Variants in KLF13 observed in about 807,000 individuals in gnomAD.
KLF13 encodes Krueppel-like factor 13.
In KLF13, 8 loss-of-function variants were observed where a neutral mutation model predicts 16.7. That is an observed-to-expected ratio of 0.48 (90% confidence interval 0.28 to 0.87). The LOEUF (loss-of-function observed/expected upper bound fraction) is 0.87. Ranked by LOEUF, KLF13 falls within the 40% of genes least tolerant of loss-of-function variation. The pLI, the probability that KLF13 is intolerant of heterozygous loss-of-function variation, is 0.10. For synonymous variants in KLF13, 245 were observed against 208.4 expected (o/e 1.18, Z -1.51); for missense variants, 447 against 452.2 (o/e 0.99, Z 0.10).
At chr15:31,406,334 A>T (rs1014351521), downstream of KLF13, among the ~76,000 whole-genome samples, 13 of 152,172 alleles carry the variant, frequency 8.5e-5, no homozygotes, top group Non-Finnish European at 1.5e-5. Flanking sequence ...AAAATTAACC[A>T]GGTGAGGCAG....
chr15:31,422,134 A>AAAAAC (rs753002268), intron 1 of KLF13, among the ~76,000 whole-genome samples: 10,225 of 62,832 alleles, frequency 0.16, 1,020 homozygotes, highest in African/African-American at 0.36. Flanking sequence ...CAAACAAACA[A>AAAAAC]AAAAAAAAAA....
chr15:31,401,478 G>C, intron 2 of KLF13, among the ~76,000 whole-genome samples: 1 of 152,222 alleles, frequency 6.6e-6, no homozygotes, highest in East Asian at 1.9e-4. Flanking sequence ...GCTTTGAGGG[G>C]AGCAGGGGTC....
At chr15:31,401,179 T>C (rs902877250) in intron 2 of KLF13, among the ~76,000 whole-genome samples, 5 of 152,184 alleles carry the variant, frequency 3.3e-5, no homozygotes, top group Non-Finnish European at 7.3e-5. Flanking sequence ...TTTATATTTT[T>C]AGTAGAGACC....
Position 31,375,591 on chromosome 15 carries a change from A to G in KLF13, c.*3292A>G, listed in dbSNP as rs1372660285. 1 of 152,100 alleles carries G rather than the reference A, an allele frequency of 6.6e-6. No individual in the cohort carries two copies. Among genetic ancestry groups the G allele is most frequent in the Non-Finnish European group, 1.5e-5 (1 of 67,996 alleles). 9.4% of individuals were successfully genotyped at this position (152,100 alleles called of 1,614,324 possible). A position where few individuals can be genotyped will look rare whatever the true frequency, so the allele number is the denominator to read the frequency against. On this transcript the variant is annotated 3_prime_UTR_variant, in exon 2 of 2. Coordinates refer to ENST00000307145, the MANE Select transcript of KLF13 (RefSeq NM_015995.4). ...TTCCCCTATAAAAGGCCTAAAATTG[A>G]TCTGGGGCTCAGCCATCAAGGGGCT...
At chr15:31,360,836 C>T (rs914043696) in intron 1 of KLF13, among the ~76,000 whole-genome samples, 5 of 152,178 alleles carry the variant, frequency 3.3e-5, no homozygotes, top group Admixed American at 2.6e-4. Context: ...TACATTGTTT[C>T]GTTATATTCT....
downstream of KLF13, among the ~76,000 whole-genome samples, chr15:31,382,815 G>A (rs1479544205): frequency 2.0e-5 from 3 of 152,192 alleles, no homozygotes; most frequent in Non-Finnish European, 2.9e-5. Context: ...TAGGTACCGC[G>A]TCCACTCACT....
At chr15:31,329,305 C>T (rs556269329) in intron 1 of KLF13, among the ~76,000 whole-genome samples, 1 of 138,652 alleles carries the variant, frequency 7.2e-6, no homozygotes, top group South Asian at 2.2e-4. Flanking sequence ...CTCAGCTCGG[C>T]TCCAGGTGGA....
At chr15:31,431,529 C>A (rs1015587644) in intron 1 of KLF13, among the ~76,000 whole-genome samples, 1 of 151,912 alleles carries the variant, frequency 6.6e-6, no homozygotes, top group Non-Finnish European at 1.5e-5. Flanking sequence ...CAGTGGCGTG[C>A]TCTCGGCTCA....
At chr15:31,402,778 C>T (rs2040056765) in intron 2 of KLF13, among the ~76,000 whole-genome samples, 1 of 152,216 alleles carries the variant, frequency 6.6e-6, no homozygotes, top group Non-Finnish European at 1.5e-5. Flanking sequence ...AGAAGGTCCT[C>T]TTTCCCCTGG....
At chr15:31,360,761 G>A (rs954626731) in intron 1 of KLF13, among the ~76,000 whole-genome samples, 9 of 152,170 alleles carry the variant, frequency 5.9e-5, no homozygotes, top group Non-Finnish European at 8.8e-5. Context: ...TTTTAGGCCC[G>A]TCGTCCAAAT....
chr15:31,349,316 A>G (rs2039179105), intron 1 of KLF13, among the ~76,000 whole-genome samples: 1 of 152,152 alleles, frequency 6.6e-6, no homozygotes, highest in Non-Finnish European at 1.5e-5. Flanking sequence ...TTTCCCCATG[A>G]GCCGCCACCT....
chr15:31,415,837 G>C (rs2040248265), intron 1 of KLF13, among the ~76,000 whole-genome samples: 2 of 151,370 alleles, frequency 1.3e-5, no homozygotes, highest in Non-Finnish European at 1.5e-5. Context: ...AAAAATAATA[G>C]AAAAAATTGA....
chr15:31,373,568 G>C lies in KLF13; in HGVS notation c.*1269G>C, dbSNP rs1411759657. 1 of 152,326 alleles carries C rather than the reference G, an allele frequency of 6.6e-6. No individual in the cohort carries two copies. The allele number at this position is 152,326 out of a possible 1,614,324, so 9.4% of individuals were successfully genotyped here. A position where few individuals can be genotyped will look rare whatever the true frequency, so the allele number is the denominator to read the frequency against. ...TGGACTCCTCCTCCCTTTTCCTCCT[G>C]CTTCTCCTTGTCCTGCCTGGAGGCT... is the stretch of plus-strand genomic sequence containing the variant. On this transcript the variant is annotated 3_prime_UTR_variant, in exon 2 of 2. Coordinates refer to ENST00000307145, the MANE Select transcript of KLF13 (RefSeq NM_015995.4).
In KLF13 at chr15:31,383,629, G is replaced by T. The variant is rs191616843; in HGVS notation, n.224-51741G>T. ...AAAAATATCAAGATGGGCCGGGCGC[G>T]GTGGCTCACGCCTATAATCCCAGCA... is the stretch of plus-strand genomic sequence containing the variant. On this transcript the variant is annotated intron_variant and non_coding_transcript_variant, in intron 1 of 1. Coordinates refer to the KLF13 transcript ENST00000558921. Among the ~76,000 whole-genome samples the T allele has an allele frequency of 1.3e-4, 20 of 152,340 alleles. No individual in the cohort carries two copies. In the South Asian group the frequency reaches 2.1e-3, roughly 16 times the overall value.
At chr15:31,408,582 G>C (rs2040155950), downstream of KLF13, among the ~76,000 whole-genome samples, 1 of 152,154 alleles carries the variant, frequency 6.6e-6, no homozygotes, top group Admixed American at 6.5e-5. Flanking sequence ...TAGATTAATA[G>C]AACCCCCACA....
upstream of KLF13, among the ~76,000 whole-genome samples, chr15:31,392,052 G>T (rs1426206750): frequency 6.6e-6 from 1 of 151,814 alleles, no homozygotes; most frequent in Non-Finnish European, 1.5e-5. Context: ...GGCCAGACCC[G>T]CCAGCTGCCC....
intron 1 of KLF13, among the ~76,000 whole-genome samples, chr15:31,331,680 G>A (rs552946838): frequency 7.9e-5 from 12 of 152,220 alleles, no homozygotes; most frequent in East Asian, 3.9e-4. Context: ...CCTCCCTCTC[G>A]TACCCTCGCT....
At position 31,419,887 on chromosome 15, in the gene KLF13, A is replaced by G. The variant is rs147439741; in HGVS notation, n.118-15483A>G. On this transcript the variant is annotated intron_variant and non_coding_transcript_variant, in intron 1 of 1. Coordinates refer to the KLF13 transcript ENST00000558225. ...ACATATTGTAATCAAACTATCAAGG[A>G]CAGTTTGATGTATCAGAAGTCAAGG... Among the ~76,000 whole-genome samples the G allele has an allele frequency of 1.3e-4, 20 of 152,304 alleles. No individual in the cohort carries two copies. In the East Asian group the frequency reaches 1.3e-3, roughly 10 times the overall value.
At chr15:31,350,158 C>T (rs1376606639) in intron 1 of KLF13, among the ~76,000 whole-genome samples, 1 of 152,190 alleles carries the variant, frequency 6.6e-6, no homozygotes, top group East Asian at 1.9e-4. Context: ...AGCCAATATG[C>T]CCATTACAGG....
Sources: gnomAD v4.1 joint callset for allele counts (sites outside exome capture counted in the v4.1 genomes callset) on GRCh38, gnomAD v4.1.1 for gene constraint, MANE v1.5 for transcripts, NCBI Gene and HGNC (gene_info 2026-07-23, HGNC 2026-07-21) for gene names.